The following SPOCK1 variants were observed in gnomAD, a reference collection of about 807,000 sequenced individuals.
The protein encoded by SPOCK1 is SPARC (osteonectin), cwcv and kazal like domains proteoglycan 1, also known as testican-1.
Under a neutral mutation model 55.3 loss-of-function variants are expected in SPOCK1, and 23 were observed. That is an observed-to-expected ratio of 0.42 (90% CI 0.30 to 0.59). SPOCK1 has a LOEUF of 0.59. Among genes scored for constraint, SPOCK1 ranks in the 20% least tolerant of loss-of-function variants. The pLI, the probability that SPOCK1 is intolerant of heterozygous loss-of-function variation, is 0.22. For synonymous variants in SPOCK1, 226 were observed against 221.0 expected, an observed-to-expected ratio of 1.02 and a Z score of -0.20; for missense variants, 499 against 552.5, an observed-to-expected ratio of 0.90 and a Z score of 0.97.
At chr5:137,475,489 T>C (rs576375446) in intron 2 of SPOCK1, among the ~76,000 whole-genome samples, 1 of 152,344 alleles carries the variant, frequency 6.6e-6, no homozygotes, top group Non-Finnish European at 1.5e-5. Context: ...GATATCATTA[T>C]TATATTAATG....
chr5:137,424,569 C>A (rs1245552244), intron 2 of SPOCK1, among the ~76,000 whole-genome samples: 2 of 152,162 alleles, frequency 1.3e-5, no homozygotes, highest in Non-Finnish European at 2.9e-5. Flanking sequence ...ATGCTCATGA[C>A]AACCCTACTC....
intron 2 of SPOCK1, among the ~76,000 whole-genome samples, chr5:137,402,629 C>G (rs1173837678): frequency 6.6e-6 from 1 of 152,194 alleles, no homozygotes; most frequent in Non-Finnish European, 1.5e-5. Flanking sequence ...AGACCTCAAC[C>G]TGCTCCCCGC....
chr5:137,384,195 G>A (rs1208435025), intron 2 of SPOCK1, among the ~76,000 whole-genome samples: 4 of 152,246 alleles, frequency 2.6e-5, no homozygotes, highest in Admixed American at 1.3e-4. Context: ...ACAGGAGGCA[G>A]ATGGGTGCTT....
At chr5:137,279,065 G>T (rs1451864972) in intron 2 of SPOCK1, among the ~76,000 whole-genome samples, 1 of 152,068 alleles carries the variant, frequency 6.6e-6, no homozygotes, top group African/African-American at 2.4e-5. Flanking sequence ...AAAGGCTCTA[G>T]GACCTCAATG....
chr5:137,076,527 G>T (rs1204940274), intron 5 of SPOCK1, among the ~76,000 whole-genome samples: 1 of 151,110 alleles, frequency 6.6e-6, no homozygotes, highest in African/African-American at 2.4e-5. Flanking sequence ...CTACAGTGGG[G>T]CAAAATTATC....
chr5:137,051,212 C>T (rs1183475933), intron 6 of SPOCK1, among the ~76,000 whole-genome samples: 1 of 152,028 alleles, frequency 6.6e-6, no homozygotes, highest in African/African-American at 2.4e-5. Context: ...CCTATTATAC[C>T]CCAAAAAGTA....
At chr5:137,254,438 C>T (rs1756596193) in intron 3 of SPOCK1, among the ~76,000 whole-genome samples, 1 of 152,192 alleles carries the variant, frequency 6.6e-6, no homozygotes. Context: ...TCCCCTTGAC[C>T]TCTCCAAAGA....
chr5:137,427,269 T>A (rs932333402), intron 2 of SPOCK1, among the ~76,000 whole-genome samples: 10 of 152,176 alleles, frequency 6.6e-5, no homozygotes, highest in African/African-American at 2.4e-4. Flanking sequence ...AAGCACTGTG[T>A]TCACTGCTGA....
At chr5:136,987,055 TTA>T (rs35794838) in intron 8 of SPOCK1, among the ~76,000 whole-genome samples, 52,450 of 150,576 alleles carry the variant, frequency 0.35, 9,584 homozygotes, top group Non-Finnish European at 0.39. Context: ...CTGATTTATT[TTA>T]TATATATATA....
chr5:137,102,644 C>A (rs372056714), intron 5 of SPOCK1, among the ~76,000 whole-genome samples: 16 of 152,050 alleles, frequency 1.1e-4, no homozygotes, highest in African/African-American at 3.6e-4. Context: ...GTTTTTCACT[C>A]GTGGAAGTAA....
intron 6 of SPOCK1, among the ~76,000 whole-genome samples, chr5:137,029,411 T>G (rs1267439272): frequency 6.6e-6 from 1 of 152,240 alleles, no homozygotes; most frequent in Non-Finnish European, 1.5e-5. Flanking sequence ...ACTTGGTTAA[T>G]AACAATAATT....
chr5:137,249,161 C>T (rs947142556), intron 3 of SPOCK1, among the ~76,000 whole-genome samples: 2 of 152,190 alleles, frequency 1.3e-5, no homozygotes, highest in African/African-American at 2.4e-5. Flanking sequence ...ATTCATGGCT[C>T]AGGCAAATAA....
intron 3 of SPOCK1, among the ~76,000 whole-genome samples, chr5:137,222,725 C>A (rs1755878039): frequency 6.6e-6 from 1 of 152,166 alleles, no homozygotes. Context: ...CAAATTCATT[C>A]AACACAAATT....
intron 2 of SPOCK1, among the ~76,000 whole-genome samples, chr5:137,335,204 A>T (rs1371687679): frequency 1.3e-5 from 2 of 152,258 alleles, no homozygotes; most frequent in Non-Finnish European, 2.9e-5. Flanking sequence ...TAAATTACAC[A>T]TCAATAAAAC....
intron 6 of SPOCK1, among the ~76,000 whole-genome samples, chr5:137,062,525 A>AAATAATAAT (rs71583272): frequency 0.11 from 15,489 of 143,338 alleles, 872 homozygotes; most frequent in African/African-American, 0.12. Context: ...CAAGCATTAT[A>AAATAATAAT]AATAATAATA....
intron 6 of SPOCK1, among the ~76,000 whole-genome samples, chr5:136,996,898 TG>T (rs1207186336): frequency 1.3e-5 from 2 of 152,136 alleles, no homozygotes; most frequent in African/African-American, 4.8e-5. Flanking sequence ...TTCCACACTG[TG>T]GAAACTTCGT....
chr5:137,340,765 C>A (rs931772702), intron 2 of SPOCK1, among the ~76,000 whole-genome samples: 1 of 151,968 alleles, frequency 6.6e-6, no homozygotes, highest in African/African-American at 2.4e-5. Flanking sequence ...TCTGTAATCC[C>A]TGTTACTCAG....
intron 2 of SPOCK1, among the ~76,000 whole-genome samples, chr5:137,322,800 G>A (rs1758003500): frequency 6.6e-6 from 1 of 152,136 alleles, no homozygotes; most frequent in Non-Finnish European, 1.5e-5. Flanking sequence ...TAGTATCACA[G>A]GAAACCTGAG....
intron 6 of SPOCK1, among the ~76,000 whole-genome samples, chr5:137,030,937 G>A (rs954406889): frequency 2.0e-5 from 3 of 152,112 alleles, no homozygotes; most frequent in Non-Finnish European, 2.9e-5. Flanking sequence ...ATATCTTAAA[G>A]TCAGAAAAGT....
Sources: allele counts gnomAD v4.1 joint callset (sites outside exome capture counted in the v4.1 genomes callset), GRCh38; gene constraint gnomAD v4.1.1; transcripts MANE v1.5; gene names NCBI Gene and HGNC (gene_info 2026-07-23, HGNC 2026-07-21).